Variants in DTNA observed in about 807,000 individuals in gnomAD.
DTNA encodes the protein dystrobrevin alpha, also known as dystrophin-related protein 3.
In DTNA, 43 loss-of-function variants were observed where a neutral mutation model predicts 100.7. The ratio of observed to expected loss-of-function variants is 0.43; its 90% CI spans 0.33 to 0.55. DTNA has a LOEUF of 0.55. Among genes scored for constraint, DTNA ranks in the 20% least tolerant of loss-of-function variants. DTNA has a pLI of 0.04. For missense variants in DTNA, 798 were observed against 953.9 expected (o/e 0.84, Z 2.15); for synonymous variants, 349 against 347.9 (o/e 1.00, Z -0.04).
intron 1 of DTNA, among the ~76,000 whole-genome samples, chr18:34,688,753 A>C (rs1172922524): frequency 6.6e-6 from 1 of 152,092 alleles, no homozygotes; most frequent in South Asian, 2.1e-4. Context: ...ACTTAGTTCC[A>C]TTCTCCCCAT....
intron 8 of DTNA, among the ~76,000 whole-genome samples, chr18:34,819,970 A>G (rs931807501): frequency 1.4e-5 from 2 of 144,018 alleles, no homozygotes; most frequent in African/African-American, 5.0e-5. Context: ...TGCAAAAGCA[A>G]TTGCGGTTTT....
chr18:34,699,918 G>C (rs988978845), intron 1 of DTNA, among the ~76,000 whole-genome samples: 4 of 152,070 alleles, frequency 2.6e-5, no homozygotes, highest in Non-Finnish European at 5.9e-5. Flanking sequence ...CTTTAGACAA[G>C]GACAGATCCA....
intron 15 of DTNA, among the ~76,000 whole-genome samples, chr18:34,854,196 A>G (rs113984597): frequency 2.4e-3 from 366 of 152,340 alleles, no homozygotes; most frequent in Non-Finnish European, 3.9e-3. Context: ...CTTTACATCA[A>G]TTCAGGCACT....
intron 1 of DTNA, among the ~76,000 whole-genome samples, chr18:34,516,320 A>G (rs2041611342): frequency 6.6e-6 from 1 of 152,136 alleles, no homozygotes; most frequent in African/African-American, 2.4e-5. Context: ...CGAGGGCAAT[A>G]AAATATCACA....
At chr18:34,847,827 G>A (rs1430402232) in intron 13 of DTNA, among the ~76,000 whole-genome samples, 1 of 152,158 alleles carries the variant, frequency 6.6e-6, no homozygotes, top group Non-Finnish European at 1.5e-5. Context: ...AGTAAGTCTA[G>A]CCCATCCTAA....
At chr18:34,771,948 T>A (rs931189089) in intron 3 of DTNA, among the ~76,000 whole-genome samples, 4 of 117,982 alleles carry the variant, frequency 3.4e-5, no homozygotes, top group African/African-American at 1.2e-4. Context: ...CCCTGTAATG[T>A]CAGCAGATCT....
At chr18:34,521,674 T>C (rs966243991) in intron 1 of DTNA, among the ~76,000 whole-genome samples, 2 of 152,124 alleles carry the variant, frequency 1.3e-5, no homozygotes, top group Non-Finnish European at 2.9e-5. Flanking sequence ...CCATTGCACT[T>C]GCTCTGACCC....
intron 1 of DTNA, among the ~76,000 whole-genome samples, chr18:34,668,650 A>C (rs891443707): frequency 6.6e-6 from 1 of 152,120 alleles, no homozygotes; most frequent in Non-Finnish European, 1.5e-5. Flanking sequence ...GGTTTCAAAA[A>C]ACATCTTTAT....
upstream of DTNA, among the ~76,000 whole-genome samples, chr18:34,707,163 G>A (rs1009709268): frequency 1.3e-5 from 2 of 152,110 alleles, no homozygotes; most frequent in Non-Finnish European, 2.9e-5. Context: ...CCTTGAGTTT[G>A]TAGGAAATTA....
At chr18:34,703,249 C>T (rs920432295) in intron 1 of DTNA, among the ~76,000 whole-genome samples, 3 of 152,092 alleles carry the variant, frequency 2.0e-5, no homozygotes, top group African/African-American at 7.2e-5. Flanking sequence ...TGGCTAATAT[C>T]CTTTGAAAAT....
chr18:34,768,139 A>G (rs1242310323), intron 3 of DTNA, among the ~76,000 whole-genome samples: 2 of 152,188 alleles, frequency 1.3e-5, no homozygotes, highest in East Asian at 3.9e-4. Flanking sequence ...CCACGTTCTT[A>G]TCATGTGTTA....
chr18:34,844,749 T>C (rs542041159), intron 13 of DTNA, among the ~76,000 whole-genome samples: 1 of 152,308 alleles, frequency 6.6e-6, no homozygotes, highest in South Asian at 2.1e-4. Flanking sequence ...TCTGGTTGAC[T>C]ACCCTAACTT....
chr18:34,723,173 AT>A (rs545651714), intron 1 of DTNA, among the ~76,000 whole-genome samples: 90 of 152,326 alleles, frequency 5.9e-4, no homozygotes, highest in African/African-American at 2.0e-3. Flanking sequence ...TCAAAAAAAA[AT>A]GTTCTTAACC....
At chr18:34,572,240 C>T (rs370221493) in intron 1 of DTNA, among the ~76,000 whole-genome samples, 1 of 152,166 alleles carries the variant, frequency 6.6e-6, no homozygotes. Context: ...CTGGGCCAAT[C>T]GTTGTTATCC....
chr18:34,692,662 T>C (rs1473805508), intron 1 of DTNA, among the ~76,000 whole-genome samples: 1 of 152,228 alleles, frequency 6.6e-6, no homozygotes, highest in African/African-American at 2.4e-5. Context: ...AAATTAGCAT[T>C]ATTTCTGTTC....
chr18:34,796,373 T>G (rs906496642), intron 4 of DTNA, among the ~76,000 whole-genome samples: 3 of 152,238 alleles, frequency 2.0e-5, no homozygotes, highest in African/African-American at 7.2e-5. Flanking sequence ...CAAATTCTAT[T>G]TCTTATAATA....
At chr18:34,682,941 T>C (rs2078334564) in intron 1 of DTNA, among the ~76,000 whole-genome samples, 1 of 152,158 alleles carries the variant, frequency 6.6e-6, no homozygotes, top group African/African-American at 2.4e-5. Context: ...AAGTTTCCCA[T>C]TTTGCATATC....
intron 15 of DTNA, among the ~76,000 whole-genome samples, chr18:34,854,373 T>C (rs2096527819): frequency 6.6e-6 from 1 of 152,220 alleles, no homozygotes; most frequent in Admixed American, 6.5e-5. Flanking sequence ...TTGGGTTTTA[T>C]TTTTTTCAGT....
chr18:34,772,591 T>A (rs2093834006), intron 3 of DTNA, among the ~76,000 whole-genome samples: 1 of 152,178 alleles, frequency 6.6e-6, no homozygotes, highest in Non-Finnish European at 1.5e-5. Context: ...GCTATGTTTT[T>A]AGTAGTAAAC....
Sources: gnomAD v4.1 joint callset for allele counts (sites outside exome capture counted in the v4.1 genomes callset) on GRCh38, gnomAD v4.1.1 for gene constraint, MANE v1.5 for transcripts, NCBI Gene and HGNC (gene_info 2026-07-23, HGNC 2026-07-21) for gene names.